HS6ST3: variants seen among roughly 807,000 people sequenced by gnomAD.
The protein encoded by HS6ST3 is heparan-sulfate 6-O-sulfotransferase 3.
In HS6ST3, 12 loss-of-function variants were observed where a neutral mutation model predicts 36.7. The observed-to-expected ratio is 0.33, with a 90% CI of 0.21 to 0.53. HS6ST3 has a LOEUF of 0.53. Among genes scored for constraint, HS6ST3 ranks in the 20% least tolerant of loss-of-function variants. HS6ST3 has a pLI of 0.95. For synonymous variants in HS6ST3, 240 were observed against 257.5 expected, an observed-to-expected ratio of 0.93 and a Z score of 0.65; for missense variants, 584 against 640.9, an observed-to-expected ratio of 0.91 and a Z score of 0.96.
intron 1 of HS6ST3, among the ~76,000 whole-genome samples, chr13:96,292,175 A>G (rs1050398889): frequency 1.3e-5 from 2 of 151,760 alleles, no homozygotes; most frequent in Admixed American, 1.3e-4. Flanking sequence ...TTTAGCATAA[A>G]ATGTTAATAT....
chr13:96,596,929 A>T (rs181796471), intron 1 of HS6ST3, among the ~76,000 whole-genome samples: 1 of 152,310 alleles, frequency 6.6e-6, no homozygotes, highest in African/African-American at 2.4e-5. Flanking sequence ...CATAGATTCA[A>T]ACTAAATGCC....
intron 1 of HS6ST3, among the ~76,000 whole-genome samples, chr13:96,577,884 C>T (rs890423653): frequency 2.0e-5 from 3 of 152,224 alleles, no homozygotes; most frequent in African/African-American, 4.8e-5. Context: ...CGCTTTTACA[C>T]TGTTGGTGGG....
chr13:96,647,374 A>G (rs1039828757), intron 1 of HS6ST3, among the ~76,000 whole-genome samples: 10 of 152,052 alleles, frequency 6.6e-5, no homozygotes, highest in Non-Finnish European at 1.5e-4. Flanking sequence ...AGAATTAGTC[A>G]TGCTGTTTTA....
intron 1 of HS6ST3, among the ~76,000 whole-genome samples, chr13:96,598,989 AC>A (rs2056412015): frequency 6.6e-6 from 1 of 152,020 alleles, no homozygotes; most frequent in Non-Finnish European, 1.5e-5. Context: ...TGTATGTTGA[AC>A]CATCCCTGCA....
At chr13:96,591,634 A>C (rs781285793) in intron 1 of HS6ST3, among the ~76,000 whole-genome samples, 1 of 152,124 alleles carries the variant, frequency 6.6e-6, no homozygotes, top group Non-Finnish European at 1.5e-5. Context: ...GGATCATTTC[A>C]TCTGCACACA....
At chr13:96,475,606 T>G in intron 1 of HS6ST3, among the ~76,000 whole-genome samples, 1 of 126,954 alleles carries the variant, frequency 7.9e-6, no homozygotes, top group Non-Finnish European at 1.6e-5. Context: ...CCCAGCGGAG[T>G]ACTACCAAAA....
intron 1 of HS6ST3, among the ~76,000 whole-genome samples, chr13:96,173,896 A>G (rs2054200581): frequency 6.6e-6 from 1 of 152,062 alleles, no homozygotes; most frequent in Non-Finnish European, 1.5e-5. Context: ...AAAGAGAGCA[A>G]GAGAGTGATG....
chr13:96,655,855 T>G lies in HS6ST3; in HGVS notation c.708-176635T>G, dbSNP rs2056622787. The stretch of plus-strand genomic sequence containing the variant: ...TAATCTTATTTACTTGTCAATCTTC[T>G]ATCAGGCTTCTCAGGGTTCCACTTC... On this transcript the variant is annotated intron_variant, in intron 1 of 1. Transcript: ENST00000376705. Among the ~76,000 whole-genome samples, 3 of 152,140 alleles carry G rather than the reference T, an allele frequency of 2.0e-5. No homozygotes were observed. In the South Asian group the frequency reaches 6.2e-4, roughly 31 times the overall value.
intron 1 of HS6ST3, among the ~76,000 whole-genome samples, chr13:96,152,330 T>G (rs868244255): frequency 7.3e-4 from 46 of 63,368 alleles, no homozygotes; most frequent in Non-Finnish European, 1.2e-3. Context: ...TTTTTTTTTT[T>G]TTTTTGTTGT....
chr13:96,379,787 CTT>C (rs1780287336), intron 1 of HS6ST3, among the ~76,000 whole-genome samples: 1 of 152,108 alleles, frequency 6.6e-6, no homozygotes, highest in South Asian at 2.1e-4. Flanking sequence ...TTATTACAGA[CTT>C]ACGTTTGAGA....
At chr13:96,513,650 T>C (rs2056059919) in intron 1 of HS6ST3, among the ~76,000 whole-genome samples, 1 of 152,166 alleles carries the variant, frequency 6.6e-6, no homozygotes, top group African/African-American at 2.4e-5. Flanking sequence ...ATACTGTCTA[T>C]AATTTATTTG....
intron 1 of HS6ST3, among the ~76,000 whole-genome samples, chr13:96,680,072 A>C (rs2056712997): frequency 6.6e-6 from 1 of 152,126 alleles, no homozygotes; most frequent in Non-Finnish European, 1.5e-5. Context: ...TCCATCCAAG[A>C]CAGGTTTGGT....
Position 96,573,740 on chromosome 13 carries a change from C to T in HS6ST3, c.708-258750C>T, listed in dbSNP as rs150116636. 214 of 325,944 alleles carry T rather than the reference C, an allele frequency of 6.6e-4. 4 individuals are homozygous for T. In the East Asian group the frequency reaches 0.017, roughly 25 times the overall value. The allele number at this position is 325,944 out of a possible 1,614,324, so 20.2% of individuals were successfully genotyped here. A position where few individuals can be genotyped will look rare whatever the true frequency, so the allele number is the denominator to read the frequency against. On this transcript the variant is annotated intron_variant, in intron 1 of 1. Transcript: ENST00000376705. ...ACAGTCACAAGAATGAGTCCACAGC[C>T]GTCCCCAGCCCTAGGTCAGGACCTC...
chr13:96,831,980 A>AAAAAAAAAAAAAAAAAAAAC (rs1339637754), intron 1 of HS6ST3, among the ~76,000 whole-genome samples: 1 of 141,906 alleles, frequency 7.0e-6, no homozygotes, highest in African/African-American at 2.6e-5. Flanking sequence ...AAAAAAAAAA[A>AAAAAAAAAAAAAAAAAAAAC]CAGAGATTAA....
At position 96,769,014 on chromosome 13, in the gene HS6ST3, C is replaced by T. The variant is rs1041751235; in HGVS notation, c.708-63476C>T. On this transcript the variant is annotated intron_variant, in intron 1 of 1. Transcript: ENST00000376705. ...TGGGAGGATTCTGATGTTGCTGGTCCATGAGCCATTTGGGGGACACTGCCC... is the reference window on the plus strand; with the variant it reads ...TGGGAGGATTCTGATGTTGCTGGTCTATGAGCCATTTGGGGGACACTGCCC... Among the ~76,000 whole-genome samples the T allele has an allele frequency of 5.3e-5, 8 of 152,218 alleles. No individual in the cohort carries two copies. In the South Asian group the frequency reaches 1.0e-3, roughly 20 times the overall value.
At chr13:96,126,162 C>T (rs989272958) in intron 1 of HS6ST3, among the ~76,000 whole-genome samples, 1 of 152,120 alleles carries the variant, frequency 6.6e-6, no homozygotes, top group African/African-American at 2.4e-5. Context: ...ACCATTAATC[C>T]CTTAGTCCTC....
chr13:96,188,639 A>G (rs999173827), intron 1 of HS6ST3, among the ~76,000 whole-genome samples: 3 of 152,212 alleles, frequency 2.0e-5, no homozygotes, highest in Non-Finnish European at 4.4e-5. Context: ...GGTGCTTGGC[A>G]TGTGAGTCCT....
intron 1 of HS6ST3, among the ~76,000 whole-genome samples, chr13:96,702,370 A>G (rs756699933): frequency 3.9e-5 from 6 of 152,218 alleles, no homozygotes; most frequent in African/African-American, 7.2e-5. Flanking sequence ...TGGCAGTTCA[A>G]TGTCCAGACT....
At chr13:96,464,901 C>T (rs973001032) in intron 1 of HS6ST3, among the ~76,000 whole-genome samples, 9 of 150,568 alleles carry the variant, frequency 6.0e-5, no homozygotes, top group Non-Finnish European at 1.3e-4. Context: ...TAGTTATCCA[C>T]AGTGTCCATA....
Sources: allele counts gnomAD v4.1 joint callset (sites outside exome capture counted in the v4.1 genomes callset), GRCh38; gene constraint gnomAD v4.1.1; transcripts MANE v1.5; gene names NCBI Gene and HGNC (gene_info 2026-07-23, HGNC 2026-07-21).